FTCDNL1: variants seen among roughly 807,000 people sequenced by gnomAD.
FTCDNL1 encodes formiminotransferase N-terminal subdomain-containing protein.
Under a neutral mutation model 5.9 loss-of-function variants are expected in FTCDNL1, and 11 were observed. The ratio of observed to expected loss-of-function variants is 1.87; its 90% CI spans 1.18 to 3.10. The LOEUF is 3.10. FTCDNL1 is among the 30% of genes most tolerant of loss of function. FTCDNL1 has a pLI of 0.00. For synonymous variants in FTCDNL1, 58 were observed against 24.8 expected (o/e 2.34, Z -3.99); for missense variants, 115 against 65.5 (o/e 1.76, Z -2.61).
intron 3 of FTCDNL1, among the ~76,000 whole-genome samples, chr2:199,825,156 A>C (rs948318282): frequency 6.6e-6 from 1 of 151,854 alleles, no homozygotes; most frequent in Non-Finnish European, 1.5e-5. Flanking sequence ...AAAAAGAAAA[A>C]GAAAAAGAAA....
At chr2:199,707,016 T>C in the FTCDNL1 span, among the ~76,000 whole-genome samples, 1 of 152,258 alleles carries the variant, frequency 6.6e-6, no homozygotes, top group African/African-American at 2.4e-5. Flanking sequence ...ATTTGAGCTT[T>C]CTCAGATATA....
At chr2:199,678,660 C>T in the FTCDNL1 span, among the ~76,000 whole-genome samples, 1 of 151,072 alleles carries the variant, frequency 6.6e-6, no homozygotes, top group African/African-American at 2.4e-5. Flanking sequence ...TAAAAAAAAA[C>T]AACCTTAGAA....
the FTCDNL1 span, among the ~76,000 whole-genome samples, chr2:199,671,908 CTTCTTT>C: frequency 1.3e-5 from 2 of 152,088 alleles, no homozygotes; most frequent in Admixed American, 6.5e-5. Flanking sequence ...TAAGAAATTC[CTTCTTT>C]TTAAGTTTTA....
At chr2:199,835,591 C>T (rs539425590) in intron 3 of FTCDNL1, among the ~76,000 whole-genome samples, 32 of 152,124 alleles carry the variant, frequency 2.1e-4, no homozygotes, top group Non-Finnish European at 3.4e-4. Flanking sequence ...ACGTCATTAA[C>T]ATCATTATAT....
intron 4 of FTCDNL1, among the ~76,000 whole-genome samples, chr2:199,817,264 C>T (rs757229446): frequency 4.6e-5 from 7 of 152,248 alleles, no homozygotes; most frequent in East Asian, 1.9e-4. Flanking sequence ...TAGAGCTCTT[C>T]GCACATATCA....
the FTCDNL1 span, among the ~76,000 whole-genome samples, chr2:199,694,267 G>A: frequency 1.1e-4 from 16 of 152,060 alleles, no homozygotes; most frequent in Non-Finnish European, 1.6e-4. Context: ...GTGTTTTGTC[G>A]TTGCAGTTAT....
chr2:199,733,287 T>C, the FTCDNL1 span, among the ~76,000 whole-genome samples: 1 of 152,138 alleles, frequency 6.6e-6, no homozygotes, highest in Non-Finnish European at 1.5e-5. Flanking sequence ...AGAAAAGGAA[T>C]TATATATTTA....
At chr2:199,799,803 T>C (rs1370337587) in intron 3 of FTCDNL1, among the ~76,000 whole-genome samples, 2 of 152,198 alleles carry the variant, frequency 1.3e-5, no homozygotes, top group Non-Finnish European at 1.5e-5. Flanking sequence ...TGGGTGTTAA[T>C]TCTGAGCCTG....
chr2:199,724,107 T>C, the FTCDNL1 span, among the ~76,000 whole-genome samples: 11 of 152,194 alleles, frequency 7.2e-5, no homozygotes, highest in African/African-American at 2.7e-4. Context: ...CCTGGTTCAG[T>C]CTTGGGAGGG....
chr2:199,751,678 C>A, the FTCDNL1 span, among the ~76,000 whole-genome samples: 1 of 149,046 alleles, frequency 6.7e-6, no homozygotes, highest in Admixed American at 6.7e-5. Context: ...TAACATCACC[C>A]CACCCCCACC....
chr2:199,712,137 CCCAG>C, the FTCDNL1 span, among the ~76,000 whole-genome samples: 164 of 152,198 alleles, frequency 1.1e-3, 1 homozygote, highest in Non-Finnish European at 3.4e-4. Context: ...AAAATCAATA[CCCAG>C]CCAAAGCTAA....
At chr2:199,739,633 C>T in the FTCDNL1 span, among the ~76,000 whole-genome samples, 5 of 152,056 alleles carry the variant, frequency 3.3e-5, no homozygotes, top group African/African-American at 1.2e-4. Flanking sequence ...AGGGTGACTA[C>T]AACAATCAAA....
the FTCDNL1 span, among the ~76,000 whole-genome samples, chr2:199,748,460 C>T: frequency 2.6e-5 from 4 of 152,140 alleles, no homozygotes; most frequent in Non-Finnish European, 4.4e-5. Context: ...TGTATTCCTG[C>T]CTTAGTTAAT....
rs558107124 is a variant in FTCDNL1, at chr2:199,772,339, G to A, written c.212-11504C>T. Among the ~76,000 whole-genome samples the A allele has an allele frequency of 4.6e-5, 7 of 152,230 alleles. No homozygotes were observed. In the East Asian group the frequency reaches 7.7e-4, roughly 17 times the overall value. The stretch of plus-strand genomic sequence containing the variant: ...GTTGACTAACAGTAACCAAAACTTC[G>A]GAAAGCGAAACTGCAGATAAGGGAG... On this transcript the variant is annotated intron_variant, in intron 3 of 3. Transcript: ENST00000416668.
intron 3 of FTCDNL1, among the ~76,000 whole-genome samples, chr2:199,763,136 G>C (rs1418402855): frequency 6.6e-6 from 1 of 152,142 alleles, no homozygotes; most frequent in Admixed American, 6.5e-5. Context: ...GGGCCCATCC[G>C]GTTCTAAGTC....
chr2:199,694,686 T>C, the FTCDNL1 span, among the ~76,000 whole-genome samples: 37 of 152,198 alleles, frequency 2.4e-4, no homozygotes, highest in African/African-American at 8.9e-4. Context: ...ATTAAAAAAC[T>C]AGCTGGGCAT....
the FTCDNL1 span, among the ~76,000 whole-genome samples, chr2:199,726,352 A>G: frequency 2.0e-5 from 3 of 152,180 alleles, no homozygotes; most frequent in Admixed American, 6.5e-5. Flanking sequence ...AACTCAGTGA[A>G]GTTCACTATT....
At chr2:199,803,899 G>T (rs1700593289) in intron 3 of FTCDNL1, among the ~76,000 whole-genome samples, 1 of 152,156 alleles carries the variant, frequency 6.6e-6, no homozygotes, top group Non-Finnish European at 1.5e-5. Context: ...GCTCCAGAGG[G>T]TTGTTGTGAA....
the FTCDNL1 span, among the ~76,000 whole-genome samples, chr2:199,710,969 A>AT: frequency 8.6e-5 from 13 of 151,734 alleles, no homozygotes; most frequent in East Asian, 3.9e-4. Flanking sequence ...AAATGCACTG[A>AT]TTTTTTTTTA....
Sources: allele counts gnomAD v4.1 joint callset (sites outside exome capture counted in the v4.1 genomes callset), GRCh38; gene constraint gnomAD v4.1.1; transcripts MANE v1.5; gene names NCBI Gene and HGNC (gene_info 2026-07-23, HGNC 2026-07-21).